ETS1: variants seen among roughly 807,000 people sequenced by gnomAD.
ETS1 encodes protein C-ets-1.
In ETS1, 15 loss-of-function variants were observed where a neutral mutation model predicts 58.6. The observed-to-expected ratio is 0.26, with a 90% CI of 0.17 to 0.39. The LOEUF (loss-of-function observed/expected upper bound fraction) is 0.39, where lower values mean the gene tolerates loss of function less well. Among genes scored for constraint, ETS1 ranks in the 10% least tolerant of loss-of-function variants. The pLI, the probability that ETS1 is intolerant of heterozygous loss-of-function variation, is 1.00. For synonymous variants in ETS1, 214 were observed against 218.2 expected, an observed-to-expected ratio of 0.98 and a Z score of 0.17; for missense variants, 417 against 610.5, an observed-to-expected ratio of 0.68 and a Z score of 3.34.
At chr11:128,503,601 A>C (rs1054400333) in intron 3 of ETS1, among the ~76,000 whole-genome samples, 1 of 152,212 alleles carries the variant, frequency 6.6e-6, no homozygotes, top group Non-Finnish European at 1.5e-5. Flanking sequence ...AACTGTGAAG[A>C]TCTAAGTGAG....
chr11:128,502,031 G>T (rs1863104346), intron 3 of ETS1, among the ~76,000 whole-genome samples: 1 of 152,204 alleles, frequency 6.6e-6, no homozygotes, highest in African/African-American at 2.4e-5. Context: ...GAGAGAAAGA[G>T]AGCTGCAGCC....
At chr11:128,510,323 T>C (rs1024070761) in intron 3 of ETS1, among the ~76,000 whole-genome samples, 1 of 152,260 alleles carries the variant, frequency 6.6e-6, no homozygotes, top group African/African-American at 2.4e-5. Context: ...GCATCCTTCT[T>C]GGAGAAGAAT....
intron 8 of ETS1, among the ~76,000 whole-genome samples, chr11:128,467,867 C>T (rs1323271057): frequency 1.3e-5 from 2 of 152,074 alleles, no homozygotes; most frequent in Non-Finnish European, 2.9e-5. Context: ...TTTCCAGAGC[C>T]ATGCGGGCGG....
chr11:128,584,157 AC>A (rs1565420313), intron 1 of ETS1, among the ~76,000 whole-genome samples: 1 of 152,212 alleles, frequency 6.6e-6, no homozygotes, highest in Non-Finnish European at 1.5e-5. Flanking sequence ...TGACTTACTT[AC>A]CCAGGAAACT....
chr11:128,522,304 C>T, intron 3 of ETS1: 4 of 1,076,408 alleles, frequency 3.7e-6, no homozygotes, highest in Non-Finnish European at 4.5e-6. Context: ...CGTTCGCTCT[C>T]GATCTCCCGG....
chr11:128,537,962 A>G (rs1311974695), intron 3 of ETS1, among the ~76,000 whole-genome samples: 2 of 152,206 alleles, frequency 1.3e-5, no homozygotes. Flanking sequence ...CACCTTCAAT[A>G]TAAGAGGTAT....
intron 8 of ETS1, among the ~76,000 whole-genome samples, chr11:128,468,644 A>T (rs1862102897): frequency 6.6e-6 from 1 of 152,130 alleles, no homozygotes; most frequent in Non-Finnish European, 1.5e-5. Context: ...TCCAAACAGA[A>T]GGAGGTCAAC....
chr11:128,506,659 G>A (rs974756105), intron 3 of ETS1, among the ~76,000 whole-genome samples: 3 of 152,254 alleles, frequency 2.0e-5, no homozygotes, highest in African/African-American at 4.8e-5. Flanking sequence ...AAGGGAAGAC[G>A]AGAGGATGAG....
In ETS1 at chr11:128,549,329, G is replaced by A. The variant is rs4396302; in HGVS notation, c.214+6962C>T. Among the ~76,000 whole-genome samples the A allele has an allele frequency of 0.47, 69,336 of 148,558 alleles. 16,410 individuals are homozygous for A. Among genetic ancestry groups the A allele is most frequent in the East Asian group, 0.81 (4,033 of 4,974 alleles). On this transcript the variant is annotated intron_variant, in intron 3 of 9. Transcript: ENST00000392668. The surrounding 1 kb of genome is among the most constrained non-coding windows in gnomAD (Gnocchi z 4.3). The stretch of plus-strand genomic sequence containing the variant: ...CGGCTCCCACCTCATCGGCCCACCC[G>A]AAGATGTCCATTCACCCAGTGCCGC...
At chr11:128,518,659 T>C (rs1863585815) in intron 3 of ETS1, among the ~76,000 whole-genome samples, 1 of 152,110 alleles carries the variant, frequency 6.6e-6, no homozygotes. Flanking sequence ...TCTAATGGAG[T>C]ATGGTCGGCG....
At chr11:128,566,552 G>A (rs1279512198) in intron 2 of ETS1, among the ~76,000 whole-genome samples, 1 of 152,162 alleles carries the variant, frequency 6.6e-6, no homozygotes, top group Non-Finnish European at 1.5e-5. Context: ...GGGAGGCTAA[G>A]GTGGGCAGAT....
At chr11:128,574,519 A>G (rs1864703482) in intron 1 of ETS1, among the ~76,000 whole-genome samples, 1 of 152,218 alleles carries the variant, frequency 6.6e-6, no homozygotes, top group South Asian at 2.1e-4. Context: ...AAAGTACCCT[A>G]GGCCAGGGAC....
At chr11:128,509,632 G>A (rs939081547) in intron 3 of ETS1, among the ~76,000 whole-genome samples, 15 of 142,900 alleles carry the variant, frequency 1.0e-4, no homozygotes, top group Non-Finnish European at 1.8e-4. Context: ...AAATGAGTGC[G>A]TTCTTCCTGC....
chr11:128,546,882 T>C (rs939655563), intron 3 of ETS1, among the ~76,000 whole-genome samples: 3 of 152,174 alleles, frequency 2.0e-5, no homozygotes, highest in Admixed American at 6.5e-5. Flanking sequence ...CAGATCATAG[T>C]GTGACTTTTC....
chr11:128,574,152 A>T (rs959628479), intron 1 of ETS1, among the ~76,000 whole-genome samples: 1 of 151,152 alleles, frequency 6.6e-6, no homozygotes, highest in Non-Finnish European at 1.5e-5. Flanking sequence ...TGTTTAAATG[A>T]TATAGTTAAA....
chr11:128,546,212 C>A (rs2135547289), intron 3 of ETS1, among the ~76,000 whole-genome samples: 1 of 152,316 alleles, frequency 6.6e-6, no homozygotes, highest in Non-Finnish European at 1.5e-5. Flanking sequence ...AAAATGGCCT[C>A]CTCTTGTCTA....
intron 3 of ETS1, among the ~76,000 whole-genome samples, chr11:128,533,036 C>T (rs1440536549): frequency 2.0e-5 from 3 of 152,186 alleles, no homozygotes; most frequent in Non-Finnish European, 4.4e-5. Flanking sequence ...TGTTCCACTT[C>T]TCCTTAGCCC....
chr11:128,517,233 T>C (rs942728825), intron 3 of ETS1, among the ~76,000 whole-genome samples: 13 of 152,216 alleles, frequency 8.5e-5, no homozygotes, highest in Non-Finnish European at 1.5e-4. Flanking sequence ...AGGGAGCCAC[T>C]GTACCTCCTG....
chr11:128,532,518 T>C (rs1282675716), intron 3 of ETS1, among the ~76,000 whole-genome samples: 1 of 152,140 alleles, frequency 6.6e-6, no homozygotes, highest in Non-Finnish European at 1.5e-5. Context: ...ACTTAATTGG[T>C]TTTCTGGGGG....
Sources: allele counts gnomAD v4.1 joint callset (sites outside exome capture counted in the v4.1 genomes callset), GRCh38; gene constraint gnomAD v4.1.1; non-coding constraint Gnocchi (gnomAD v3.1); transcripts MANE v1.5; gene names NCBI Gene and HGNC (gene_info 2026-07-23, HGNC 2026-07-21).